The following HTR4 variants were observed in gnomAD, a reference collection of about 807,000 sequenced individuals.
The protein encoded by HTR4 is 5-hydroxytryptamine receptor 4.
HTR4 carries 16 observed loss-of-function variants against 36.8 expected under a neutral mutation model. The observed-to-expected ratio is 0.43, with a 90% CI of 0.29 to 0.66. The LOEUF (loss-of-function observed/expected upper bound fraction) is 0.66, where lower values mean the gene tolerates loss of function less well. Ranked by LOEUF, HTR4 falls within the 30% of genes least tolerant of loss-of-function variation. The probability of loss-of-function intolerance (pLI) is 0.13; values close to 1 mark genes in which losing one functional copy is unlikely to be tolerated. For missense variants in HTR4, 438 were observed against 490.9 expected, an observed-to-expected ratio of 0.89 and a Z score of 1.02; for synonymous variants, 189 against 185.1, an observed-to-expected ratio of 1.02 and a Z score of -0.17.
chr5:148,629,681 T>C (rs1753250658), intron 2 of HTR4: 1 of 152,314 alleles, frequency 6.6e-6, no homozygotes, highest in African/African-American at 2.4e-5. Context: ...CTGAGCTTCC[T>C]GCAGTCAAGC....
chr5:148,481,574 G>C lies in HTR4; in HGVS notation c.*1629C>G. 1 of 1,515,178 alleles carries C rather than the reference G, an allele frequency of 6.6e-7. No individual in the cohort carries two copies. The highest frequency in any genetic ancestry group is 8.8e-7 in the Non-Finnish European group (1 of 1,137,046). 93.9% of individuals were successfully genotyped at this position (1,515,178 alleles called of 1,614,324 possible). On this transcript the variant is annotated 3_prime_UTR_variant, in exon 7 of 7. Transcript: ENST00000377888. The stretch of plus-strand genomic sequence containing the variant: ...TTTCTTTTTGGCATTTGGATGGTTT[G>C]GTCAATCTTCTCTTCCTTATTCCAA...
At chr5:148,471,906 A>C (rs910133729), downstream of HTR4, among the ~76,000 whole-genome samples, 5 of 152,206 alleles carry the variant, frequency 3.3e-5, no homozygotes, top group Non-Finnish European at 7.3e-5. Flanking sequence ...GTTTCAGTGT[A>C]GTTTACCTTT....
intron 4 of HTR4, among the ~76,000 whole-genome samples, chr5:148,547,714 G>A (rs977372872): frequency 1.2e-4 from 18 of 151,982 alleles, no homozygotes; most frequent in African/African-American, 4.3e-4. Context: ...GTAACATAGT[G>A]AGACTTGTCC....
At chr5:148,595,723 A>T (rs1231403031) in intron 2 of HTR4, among the ~76,000 whole-genome samples, 1 of 152,180 alleles carries the variant, frequency 6.6e-6, no homozygotes, top group Non-Finnish European at 1.5e-5. Context: ...TATAATGAAT[A>T]ATTCAATTTA....
intron 6 of HTR4, among the ~76,000 whole-genome samples, chr5:148,489,827 A>C (rs907960619): frequency 6.6e-6 from 1 of 152,090 alleles, no homozygotes. Flanking sequence ...CTCTCTGCCC[A>C]CTGCAAGTCC....
intron 2 of HTR4, among the ~76,000 whole-genome samples, chr5:148,632,697 G>GA (rs1352435140): frequency 6.6e-6 from 1 of 152,042 alleles, no homozygotes; most frequent in Non-Finnish European, 1.5e-5. Context: ...GAAATTGATT[G>GA]AAAAAATTTC....
intron 2 of HTR4, among the ~76,000 whole-genome samples, chr5:148,600,990 A>AAAAAAAAAAAAAAAAC (rs1761970454): frequency 6.7e-6 from 1 of 148,264 alleles, no homozygotes; most frequent in Non-Finnish European, 1.5e-5. Flanking sequence ...AAAAAAAAAA[A>AAAAAAAAAAAAAAAAC]AAAAAAAAAA....
intron 6 of HTR4, among the ~76,000 whole-genome samples, chr5:148,487,421 G>C (rs1581367409): frequency 6.6e-6 from 1 of 151,914 alleles, no homozygotes; most frequent in Non-Finnish European, 1.5e-5. Context: ...AAGAAAAGGA[G>C]GAGGAGGAGG....
At position 148,481,886 on chromosome 5, in the gene HTR4, G is replaced by A. The variant is rs201015815; in HGVS notation, c.*1317C>T. 4.6e-5 allele frequency: 55 copies of A among 1,190,684 alleles called. 1 individual carries two copies. In the South Asian group the frequency reaches 1.8e-3, roughly 38 times the overall value. The allele number at this position is 1,190,684 out of a possible 1,614,324, so 73.8% of individuals were successfully genotyped here. On this transcript the variant is annotated 3_prime_UTR_variant, in exon 7 of 7. Coordinates refer to ENST00000377888, the MANE Select transcript of HTR4 (RefSeq NM_000870.7). Reference sequence around the variant, plus strand: ...AGCTGGAAAGGTCAGGGGTCTAAAAGGCCCAAATGAGGAGGGTCGTTCCTT... The same window carrying A: ...AGCTGGAAAGGTCAGGGGTCTAAAAAGCCCAAATGAGGAGGGTCGTTCCTT...
chr5:148,644,731 T>A (rs1228133571), intron 1 of HTR4: 1 of 152,182 alleles, frequency 6.6e-6, no homozygotes, highest in Admixed American at 6.5e-5. Context: ...ACCCACAATT[T>A]GTTGGTTAGA....
At chr5:148,618,952 A>G (rs1752810292) in intron 2 of HTR4, among the ~76,000 whole-genome samples, 1 of 152,172 alleles carries the variant, frequency 6.6e-6, no homozygotes, top group South Asian at 2.1e-4. Flanking sequence ...TTGATTTAGT[A>G]GGGTATATCT....
At chr5:148,551,076 A>G (rs1001648099) in intron 2 of HTR4, among the ~76,000 whole-genome samples, 2 of 151,860 alleles carry the variant, frequency 1.3e-5, no homozygotes, top group African/African-American at 2.4e-5. Flanking sequence ...ATTGGCTTCT[A>G]TAAACATCAG....
chr5:148,533,419 A>G (rs1758668334), intron 4 of HTR4, among the ~76,000 whole-genome samples: 1 of 152,222 alleles, frequency 6.6e-6, no homozygotes, highest in African/African-American at 2.4e-5. Flanking sequence ...CCATGTGCAA[A>G]TGTGTGATCA....
intron 5 of HTR4, among the ~76,000 whole-genome samples, chr5:148,470,182 T>G (rs1283093451): frequency 6.6e-6 from 1 of 152,230 alleles, no homozygotes; most frequent in African/African-American, 2.4e-5. Context: ...GAATAACTGA[T>G]GACAGTGGTA....
chr5:148,470,710 A>G (rs1286464328), intron 5 of HTR4, among the ~76,000 whole-genome samples: 1 of 152,012 alleles, frequency 6.6e-6, no homozygotes, highest in Non-Finnish European at 1.5e-5. Flanking sequence ...TTTTTTTGAG[A>G]TGGAGTCTCG....
At chr5:148,499,738 C>T (rs1001518970) in intron 6 of HTR4, among the ~76,000 whole-genome samples, 1 of 152,144 alleles carries the variant, frequency 6.6e-6, no homozygotes, top group African/African-American at 2.4e-5. Flanking sequence ...GGAGGTTGGG[C>T]CTAGTGTGAG....
chr5:148,530,690 C>CCAG (rs1758519828), intron 4 of HTR4, among the ~76,000 whole-genome samples: 1 of 152,178 alleles, frequency 6.6e-6, no homozygotes, highest in Non-Finnish European at 1.5e-5. Context: ...GAGAAGAGGG[C>CCAG]CAGCATCCCC....
At chr5:148,510,180 A>G (rs3734118) in intron 5 of HTR4, among the ~76,000 whole-genome samples, 156 bp from the exon 6 acceptor site, 26,276 of 151,992 alleles carry the variant, frequency 0.17, 3,899 homozygotes, top group African/African-American at 0.39. Flanking sequence ...GAAGAGAACA[A>G]GGAAAGAAAA....
intron 2 of HTR4, among the ~76,000 whole-genome samples, chr5:148,617,818 C>T (rs1255958780): frequency 1.3e-5 from 2 of 152,066 alleles, no homozygotes; most frequent in Non-Finnish European, 2.9e-5. Context: ...TTAATCAGGA[C>T]TCTGGTTTCA....
Sources: gnomAD v4.1 joint callset for allele counts (sites outside exome capture counted in the v4.1 genomes callset) on GRCh38, gnomAD v4.1.1 for gene constraint, MANE v1.5 for transcripts, NCBI Gene and HGNC (gene_info 2026-07-23, HGNC 2026-07-21) for gene names.